The following RAD51B variants were observed in gnomAD, a reference collection of about 807,000 sequenced individuals.
RAD51B encodes the protein RAD51 paralog B.
Under a neutral mutation model 42.2 loss-of-function variants are expected in RAD51B, and 38 were observed. The observed-to-expected ratio is 0.90, with a 90% CI of 0.70 to 1.18. The LOEUF (loss-of-function observed/expected upper bound fraction) is 1.18. RAD51B is among the 50% of genes most tolerant of loss of function. The pLI, the probability that RAD51B is intolerant of heterozygous loss-of-function variation, is 0.00. For missense variants in RAD51B, 373 were observed against 400.7 expected, an observed-to-expected ratio of 0.93 and a Z score of 0.59; for synonymous variants, 154 against 145.2, an observed-to-expected ratio of 1.06 and a Z score of -0.43.
intron 10 of RAD51B, among the ~76,000 whole-genome samples, chr14:68,587,530 C>T (rs1325766741): frequency 1.3e-5 from 2 of 152,144 alleles, no homozygotes; most frequent in African/African-American, 4.8e-5. Flanking sequence ...CCTGGAGAAG[C>T]AAACCCCTAA....
intron 8 of RAD51B, among the ~76,000 whole-genome samples, chr14:68,310,150 C>T (rs946597794): frequency 2.6e-5 from 4 of 152,206 alleles, no homozygotes; most frequent in East Asian, 1.9e-4. Flanking sequence ...GTCTGATAGA[C>T]GGCTCCTGGG....
rs71129897 is a variant in RAD51B, at chr14:68,549,409, A to ATTTTTTTTTTTTTTTTTTTTTTTTT, written c.1037-45052_1037-45051insTTTTTTTTTTTTTTTTTTTTTTTTT. Among the ~76,000 whole-genome samples, 25 of 63,566 alleles carry ATTTTTTTTTTTTTTTTTTTTTTTTT rather than the reference A, an allele frequency of 3.9e-4. 2 individuals are homozygous for ATTTTTTTTTTTTTTTTTTTTTTTTT. The highest frequency in any genetic ancestry group is 7.4e-4 in the South Asian group (1 of 1,348). The allele number at this position is 63,566 out of a possible 152,430, so 41.7% of individuals were successfully genotyped here. ...AGTGCTTCATCCATGCCCTGGACAC[A>ATTTTTTTTTTTTTTTTTTTTTTTTT]TTTTTTTTTTTTTTTTTTTTTTTTG... On this transcript the variant is annotated intron_variant, in intron 10 of 10. Coordinates refer to the RAD51B transcript ENST00000487270.
At chr14:68,448,723 A>G (rs1392245582) in intron 9 of RAD51B, among the ~76,000 whole-genome samples, 1 of 152,172 alleles carries the variant, frequency 6.6e-6, no homozygotes, top group Non-Finnish European at 1.5e-5. Flanking sequence ...TTTGCCTGCT[A>G]AACAGAAAAT....
intron 10 of RAD51B, among the ~76,000 whole-genome samples, chr14:68,644,031 C>T (rs1260503438): frequency 6.6e-6 from 1 of 152,206 alleles, no homozygotes; most frequent in African/African-American, 2.4e-5. Flanking sequence ...TCATGCTCCC[C>T]ACTTACTGCC....
At chr14:67,932,671 A>C (rs1376148934) in intron 7 of RAD51B, among the ~76,000 whole-genome samples, 1 of 152,112 alleles carries the variant, frequency 6.6e-6, no homozygotes, top group Non-Finnish European at 1.5e-5. Context: ...CTGGGTCCCA[A>C]GCAGTATGTG....
intron 7 of RAD51B, among the ~76,000 whole-genome samples, chr14:67,974,607 T>A (rs897616760): frequency 6.6e-6 from 1 of 152,108 alleles, no homozygotes; most frequent in African/African-American, 2.4e-5. Context: ...GGGTATTAGA[T>A]CAAAACAAGT....
At chr14:68,673,929 G>GCA (rs200502364) in intron 11 of RAD51B, among the ~76,000 whole-genome samples, 3 of 146,184 alleles carry the variant, frequency 2.1e-5, no homozygotes, top group African/African-American at 7.6e-5. Context: ...ATGTATATGT[G>GCA]CACACACACA....
intron 8 of RAD51B, among the ~76,000 whole-genome samples, chr14:68,330,190 C>G (rs141073156): frequency 1.4e-3 from 209 of 152,152 alleles, no homozygotes; most frequent in Admixed American, 3.1e-3. Context: ...TCTGCATGTT[C>G]AGAGGATGTG....
At chr14:67,917,417 C>T (rs2044190292) in intron 7 of RAD51B, among the ~76,000 whole-genome samples, 1 of 152,152 alleles carries the variant, frequency 6.6e-6, no homozygotes, top group African/African-American at 2.4e-5. Flanking sequence ...AGGTGCCCAA[C>T]ACTTTTAAAC....
intron 7 of RAD51B, among the ~76,000 whole-genome samples, chr14:68,287,778 A>G (rs986165244): frequency 5.9e-5 from 9 of 152,236 alleles, no homozygotes; most frequent in African/African-American, 2.2e-4. Flanking sequence ...CAAGCAAGGT[A>G]TAAATCAGCA....
At chr14:68,285,284 G>T (rs1352752448) in intron 7 of RAD51B, among the ~76,000 whole-genome samples, 1 of 152,192 alleles carries the variant, frequency 6.6e-6, no homozygotes, top group Admixed American at 6.5e-5. Context: ...CCAGGCCTCT[G>T]TTTGGATAGA....
chr14:68,052,657 G>T (rs1595329648), intron 7 of RAD51B, among the ~76,000 whole-genome samples: 1 of 149,670 alleles, frequency 6.7e-6, no homozygotes, highest in East Asian at 2.0e-4. Context: ...GTCTCACTCT[G>T]TTGCCCAGGC....
At chr14:68,290,155 C>G (rs1025841592) in intron 7 of RAD51B, among the ~76,000 whole-genome samples, 1 of 152,158 alleles carries the variant, frequency 6.6e-6, no homozygotes, top group Non-Finnish European at 1.5e-5. Context: ...AGGCAACTTC[C>G]ATTTCTGTTC....
At chr14:68,248,835 T>C (rs1326981979) in intron 7 of RAD51B, among the ~76,000 whole-genome samples, 2 of 152,278 alleles carry the variant, frequency 1.3e-5, no homozygotes, top group African/African-American at 4.8e-5. Flanking sequence ...CATTGCACTC[T>C]GCTAGCAGAG....
chr14:67,852,981 T>C (rs1337382272), intron 4 of RAD51B, among the ~76,000 whole-genome samples: 1 of 152,166 alleles, frequency 6.6e-6, no homozygotes. Context: ...TCTAATCATA[T>C]GAGCCCTTAG....
At chr14:68,273,538 T>G (rs2081161892) in intron 7 of RAD51B, among the ~76,000 whole-genome samples, 1 of 152,026 alleles carries the variant, frequency 6.6e-6, no homozygotes, top group Non-Finnish European at 1.5e-5. Flanking sequence ...GTGAGGGGAG[T>G]TAAGTGATTC....
chr14:68,455,304 T>C (rs4902592), intron 9 of RAD51B, among the ~76,000 whole-genome samples: 20,130 of 152,054 alleles, frequency 0.13, 1,613 homozygotes, highest in East Asian at 0.47. Context: ...AAGGAGAAAT[T>C]AAGACATTTC....
At chr14:68,474,439 C>G (rs1401011264) in intron 10 of RAD51B, among the ~76,000 whole-genome samples, 1 of 152,178 alleles carries the variant, frequency 6.6e-6, no homozygotes, top group African/African-American at 2.4e-5. Context: ...CTCTCTCTAT[C>G]TTAAAAAAAT....
chr14:68,365,032 G>A (rs1260130020), intron 8 of RAD51B, among the ~76,000 whole-genome samples: 1 of 152,110 alleles, frequency 6.6e-6, no homozygotes, highest in Non-Finnish European at 1.5e-5. Context: ...GAAGGTTAGC[G>A]TGGCAGGAAT....
Sources: gnomAD v4.1 joint callset for allele counts (sites outside exome capture counted in the v4.1 genomes callset) on GRCh38, gnomAD v4.1.1 for gene constraint, MANE v1.5 for transcripts, NCBI Gene and HGNC (gene_info 2026-07-23, HGNC 2026-07-21) for gene names.